Variants in TSPAN14 observed in about 807,000 individuals in gnomAD.
TSPAN14 encodes the protein tetraspanin 14, also known as tetraspanin-14.
A neutral mutation model predicts 36.6 loss-of-function variants in TSPAN14; 16 were observed. The observed-to-expected ratio is 0.44, with a 90% CI of 0.30 to 0.66. TSPAN14 has a LOEUF of 0.66. Among genes scored for constraint, TSPAN14 ranks in the 30% least tolerant of loss-of-function variants. The pLI, the probability that TSPAN14 is intolerant of heterozygous loss-of-function variation, is 0.12. For synonymous variants in TSPAN14, 139 were observed against 143.8 expected (o/e 0.97, Z 0.24); for missense variants, 231 against 355.1 (o/e 0.65, Z 2.81).
intron 1 of TSPAN14, among the ~76,000 whole-genome samples, chr10:80,469,591 C>T (rs1846427380): frequency 1.3e-5 from 2 of 152,162 alleles, no homozygotes; most frequent in African/African-American, 4.8e-5. Flanking sequence ...TCTGCTTTCT[C>T]CTGACTCTTG....
At chr10:80,481,078 C>T (rs1379820437) in intron 1 of TSPAN14, among the ~76,000 whole-genome samples, 1 of 151,636 alleles carries the variant, frequency 6.6e-6, no homozygotes, top group East Asian at 1.9e-4. Context: ...GCTCTCCAGC[C>T]AGGGTGAAGG....
Position 80,498,492 on chromosome 10 carries a change from C to T in TSPAN14, c.82-6236C>T, listed in dbSNP as rs146123913. 3.8e-3 allele frequency among the ~76,000 whole-genome samples: 581 copies of T among 152,228 alleles called. 4 individuals are homozygous for T. The highest frequency in any genetic ancestry group is 0.014 in the Middle Eastern group (4 of 294). On this transcript the variant is annotated intron_variant, in intron 2 of 8. Coordinates refer to ENST00000429989, the Ensembl canonical transcript of TSPAN14. ...CTCACTTGAAAAGCCTCCAGAAGGC[C>T]GTATTTCCCTAAGCTCTGCTTCACT...
chr10:80,521,109 T>C (rs1437226678), exon 9 of TSPAN14: 4 of 302,872 alleles, frequency 1.3e-5, no homozygotes, highest in Admixed American at 4.8e-5. Context: ...GGAGATTCCA[T>C]GCAGAGGCCA....
At chr10:80,475,016 A>G (rs566304725) in intron 1 of TSPAN14, among the ~76,000 whole-genome samples, 2 of 152,278 alleles carry the variant, frequency 1.3e-5, no homozygotes, top group Admixed American at 1.3e-4. Context: ...GCCAGGCAGA[A>G]TCGGGGGATG....
At chr10:80,502,009 G>A (rs912342467) in intron 2 of TSPAN14, among the ~76,000 whole-genome samples, 4 of 152,206 alleles carry the variant, frequency 2.6e-5, no homozygotes, top group South Asian at 2.1e-4. Context: ...GATCAGTGCC[G>A]CGAAGAAAAT....
At chr10:80,460,828 T>A (rs950141368) in intron 1 of TSPAN14, among the ~76,000 whole-genome samples, 2 of 152,186 alleles carry the variant, frequency 1.3e-5, no homozygotes, top group Admixed American at 1.3e-4. Context: ...GAGCTCCTGC[T>A]GCAATTTGTG....
At chr10:80,518,009 G>C (rs759256967) in exon 9 of TSPAN14, 2 of 1,550,910 alleles carry the variant, frequency 1.3e-6, no homozygotes, top group African/African-American at 2.7e-5. Context: ...GCTGAGCCAC[G>C]CTGGGAGGCC....
At chr10:80,457,476 A>T (rs1000803846) in intron 1 of TSPAN14, among the ~76,000 whole-genome samples, 2 of 152,226 alleles carry the variant, frequency 1.3e-5, no homozygotes, top group Non-Finnish European at 2.9e-5. Context: ...GGCGTGAGCC[A>T]CTGTGCCGGA....
chr10:80,501,609 A>G (rs1848529918), intron 2 of TSPAN14, among the ~76,000 whole-genome samples: 1 of 152,164 alleles, frequency 6.6e-6, no homozygotes, highest in Non-Finnish European at 1.5e-5. Flanking sequence ...TGTCATGGAA[A>G]GCTGTTAGGC....
At chr10:80,487,831 G>C (rs1847699097) in intron 1 of TSPAN14, among the ~76,000 whole-genome samples, 1 of 152,164 alleles carries the variant, frequency 6.6e-6, no homozygotes, top group South Asian at 2.1e-4. Flanking sequence ...AGGAGGGTCT[G>C]GTGGGTGAGT....
chr10:80,470,144 G>A (rs1473635686), intron 1 of TSPAN14, among the ~76,000 whole-genome samples: 1 of 152,224 alleles, frequency 6.6e-6, no homozygotes, highest in South Asian at 2.1e-4. Flanking sequence ...GGAGAGCAAT[G>A]GTGCGTTCTC....
intron 1 of TSPAN14, chr10:80,459,593 TG>T: frequency 6.5e-6 from 1 of 153,184 alleles, no homozygotes; most frequent in Non-Finnish European, 1.5e-5. Context: ...GGGTAAGGTT[TG>T]GGGAGGGACT....
exon 9 of TSPAN14, chr10:80,520,454 C>T: frequency 2.3e-6 from 1 of 433,174 alleles, no homozygotes. Context: ...CACTCCCCAC[C>T]TAGCACTGGC....
intron 1 of TSPAN14, among the ~76,000 whole-genome samples, chr10:80,458,036 C>G (rs1474226044): frequency 1.3e-5 from 2 of 152,154 alleles, no homozygotes; most frequent in Non-Finnish European, 2.9e-5. Context: ...GATTAGGTTC[C>G]TGCTGCCTGT....
intron 1 of TSPAN14, among the ~76,000 whole-genome samples, chr10:80,457,147 C>T (rs1019862380): frequency 1.3e-5 from 2 of 152,166 alleles, no homozygotes; most frequent in African/African-American, 4.8e-5. Flanking sequence ...CGAGAGGTCA[C>T]AGAGTAACTT....
rs1840940691 is a variant in TSPAN14, at chr10:80,516,343, A to G, written c.741+20A>G. The G allele has an allele frequency of 1.2e-6, 2 of 1,613,700 alleles. No individual in the cohort carries two copies. The highest frequency in any genetic ancestry group is 1.3e-5 in the African/African-American group (1 of 75,028). On this transcript the variant is annotated intron_variant, in intron 8 of 8. Coordinates refer to ENST00000429989, the Ensembl canonical transcript of TSPAN14. ...TTGCAGGTGTGTCCCAGGAGCCTAT[A>G]GGATTGGCAGGTGGCCTTTTTTCAT...
intron 1 of TSPAN14, among the ~76,000 whole-genome samples, chr10:80,457,431 C>T (rs572987478): frequency 5.3e-5 from 8 of 152,230 alleles, no homozygotes; most frequent in Admixed American, 2.6e-4. Context: ...TCAAGTGATC[C>T]GCCCGCCTCG....
At chr10:80,511,716 CT>C (rs1840640590) in intron 5 of TSPAN14, among the ~76,000 whole-genome samples, 2 of 16,378 alleles carry the variant, frequency 1.2e-4, no homozygotes, top group Non-Finnish European at 2.1e-4. Context: ...CAGGTCCTCT[CT>C]CTCTCTCTCT....
intron 4 of TSPAN14, among the ~76,000 whole-genome samples, chr10:80,508,000 A>C (rs1840384175): frequency 6.6e-6 from 1 of 151,750 alleles, no homozygotes; most frequent in Non-Finnish European, 1.5e-5. Flanking sequence ...TTTTTGTCCT[A>C]ATTTTTTCTC....
Sources: allele counts gnomAD v4.1 joint callset (sites outside exome capture counted in the v4.1 genomes callset), GRCh38; gene constraint gnomAD v4.1.1; transcripts MANE v1.5; gene names NCBI Gene and HGNC (gene_info 2026-07-23, HGNC 2026-07-21).